The following KCNQ1 variants were observed in gnomAD, a reference collection of about 807,000 sequenced individuals.
KCNQ1 encodes potassium voltage-gated channel subfamily Q member 1.
In KCNQ1, 49 loss-of-function variants were observed where a neutral mutation model predicts 72.4. That is an observed-to-expected ratio of 0.68 (90% CI 0.54 to 0.86). The LOEUF (loss-of-function observed/expected upper bound fraction) is 0.86. Among genes scored for constraint, KCNQ1 ranks in the 40% least tolerant of loss-of-function variants. The pLI, the probability that KCNQ1 is intolerant of heterozygous loss-of-function variation, is 0.00. For synonymous variants in KCNQ1, 450 were observed against 412.6 expected, an observed-to-expected ratio of 1.09 and a Z score of -1.10; for missense variants, 790 against 945.1, an observed-to-expected ratio of 0.84 and a Z score of 2.15.
Position 2,734,332 on chromosome 11 carries a change from G to T in KCNQ1, c.1515-34512G>T, listed in dbSNP as rs999380028. 2.6e-5 allele frequency among the ~76,000 whole-genome samples: 4 copies of T among 152,248 alleles called. No homozygotes were observed. The highest frequency in any genetic ancestry group is 1.3e-4 in the Admixed American group (2 of 15,294). On this transcript the variant is annotated intron_variant, in intron 11 of 15. Coordinates refer to ENST00000155840, the MANE Select transcript of KCNQ1 (RefSeq NM_000218.3). The surrounding 1 kb of genome is among the most constrained non-coding windows in gnomAD (Gnocchi z 7.0). ...TAGAAGGCTGGACTTTCCGTGAGGT[G>T]GCGGGGAGCACCAAGGGTAGAGGCA...
chr11:2,806,689 G>A (rs772766283), intron 15 of KCNQ1, among the ~76,000 whole-genome samples: 6 of 152,170 alleles, frequency 3.9e-5, no homozygotes, highest in Non-Finnish European at 7.4e-5. Context: ...CATTCTCTCC[G>A]TGGGCATCAT....
chr11:2,634,163 T>C, intron 10 of KCNQ1: 1 of 396,962 alleles, frequency 2.5e-6, no homozygotes, highest in Non-Finnish European at 4.4e-6. Flanking sequence ...TTCTCTTTTC[T>C]CTCTCTCTCC....
rs1189311924 is a variant in KCNQ1 at position 2,601,012 on chromosome 11, C to A, written c.1393+12158C>A. On this transcript the variant is annotated intron_variant, in intron 10 of 15. Coordinates refer to ENST00000155840, the MANE Select transcript of KCNQ1 (RefSeq NM_000218.3). This position sits in a 1 kb window ranked among gnomAD's most constrained non-coding sequence, Gnocchi z 5.2. Reference sequence around the variant, plus strand: ...TATCCACTTTTCTACCTTACAGTTACTATATTTTGCCTTGCAACCAATAAA... The same window carrying A: ...TATCCACTTTTCTACCTTACAGTTAATATATTTTGCCTTGCAACCAATAAA... Among the ~76,000 whole-genome samples the A allele has an allele frequency of 6.6e-6, 1 of 151,456 alleles. No homozygotes were observed. Among genetic ancestry groups the A allele is most frequent in the African/African-American group, 2.4e-5 (1 of 41,104 alleles).
chr11:2,730,021 A>G (rs1845826060), intron 11 of KCNQ1, among the ~76,000 whole-genome samples: 1 of 152,188 alleles, frequency 6.6e-6, no homozygotes. Context: ...CAGGACAGCA[A>G]GGAGACCCAT....
At chr11:2,465,692 A>G (rs1005024002) in intron 1 of KCNQ1, among the ~76,000 whole-genome samples, 2 of 152,180 alleles carry the variant, frequency 1.3e-5, no homozygotes, top group Non-Finnish European at 2.9e-5. Context: ...GCCTCCCACC[A>G]GCATGCTTCC....
At position 2,484,472 on chromosome 11, in the gene KCNQ1, T is replaced by G. The variant is rs1846703645; in HGVS notation, c.386+38988T>G. On this transcript the variant is annotated intron_variant, in intron 1 of 15. Coordinates refer to ENST00000155840, the MANE Select transcript of KCNQ1 (RefSeq NM_000218.3). The surrounding 1 kb of genome is among the most constrained non-coding windows in gnomAD (Gnocchi z 5.2). Reference sequence around the variant, plus strand: ...GAGCCACTGCACCCAGCCTCATTATTTATTTTCATTGCTCAAATTGTGCTG... The same window carrying G: ...GAGCCACTGCACCCAGCCTCATTATGTATTTTCATTGCTCAAATTGTGCTG... Among the ~76,000 whole-genome samples the G allele has an allele frequency of 6.6e-6, 1 of 152,204 alleles. No individual in the cohort carries two copies. Among genetic ancestry groups the G allele is most frequent in the Admixed American group, 6.5e-5 (1 of 15,284 alleles).
chr11:2,501,715 C>T (rs1564798873), intron 1 of KCNQ1, among the ~76,000 whole-genome samples: 1 of 15,378 alleles, frequency 6.5e-5, no homozygotes, highest in African/African-American at 1.8e-4. Context: ...GACAAAGATA[C>T]ATCAAAAAAA....
chr11:2,779,192 A>G (rs1165801960), intron 15 of KCNQ1, among the ~76,000 whole-genome samples: 1 of 152,200 alleles, frequency 6.6e-6, no homozygotes, highest in East Asian at 1.9e-4. Flanking sequence ...CCCATCTGGC[A>G]GGACAGGAAG....
intron 15 of KCNQ1, among the ~76,000 whole-genome samples, chr11:2,833,252 C>T (rs1019195828): frequency 2.6e-5 from 4 of 152,160 alleles, no homozygotes; most frequent in African/African-American, 7.2e-5. Flanking sequence ...TTCTTGCTTC[C>T]CTGAGGGACG....
chr11:2,520,033 G>A (rs1239184301), intron 1 of KCNQ1, among the ~76,000 whole-genome samples: 1 of 152,216 alleles, frequency 6.6e-6, no homozygotes, highest in African/African-American at 2.4e-5. Context: ...AGGCTGAAAA[G>A]GGCCCTGTCG....
At chr11:2,739,067 C>G (rs530226539) in intron 11 of KCNQ1, among the ~76,000 whole-genome samples, 24 of 152,216 alleles carry the variant, frequency 1.6e-4, no homozygotes, top group Non-Finnish European at 3.1e-4. Context: ...TCTCTGCTGC[C>G]TCCGCCTCCC....
intron 11 of KCNQ1, chr11:2,694,100 C>T (rs2133895476): frequency 5.0e-6 from 2 of 398,630 alleles, no homozygotes; most frequent in East Asian, 7.1e-5. Flanking sequence ...GGTGGCAGCC[C>T]ATAGGTTGTG....
chr11:2,822,926 T>TA (rs200997512), intron 15 of KCNQ1, among the ~76,000 whole-genome samples: 11,306 of 145,370 alleles, frequency 0.078, 824 homozygotes, highest in African/African-American at 0.19. Context: ...GCTGCTGAAT[T>TA]AAAAAAAAAA....
chr11:2,558,497 G>A lies in KCNQ1; in HGVS notation c.478-12131G>A, dbSNP rs1037949293. ...CCAGTTCGGAGCAGAGACTAGATGG[G>A]CCAGCCTGTGGGCACTCTGCCTAGC... On this transcript the variant is annotated intron_variant, in intron 2 of 15. Coordinates refer to ENST00000155840, the MANE Select transcript of KCNQ1 (RefSeq NM_000218.3). Among the ~76,000 whole-genome samples, 5 of 152,332 alleles carry A rather than the reference G, an allele frequency of 3.3e-5. No individual in the cohort carries two copies. In the East Asian group the frequency reaches 9.6e-4, roughly 29 times the overall value.
At chr11:2,561,814 C>A (rs567661364) in intron 2 of KCNQ1, among the ~76,000 whole-genome samples, 2 of 152,326 alleles carry the variant, frequency 1.3e-5, no homozygotes, top group South Asian at 2.1e-4. Flanking sequence ...GAAGCCCTCC[C>A]CTCCGAGGAG....
In KCNQ1 at chr11:2,564,986, A is replaced by C. The variant is rs1848225450; in HGVS notation, c.478-5642A>C. ...CCACATCTTCCGTCTCCGTCGGTGC[A>C]CTGAGGGACACTGGGCTGGTTCCCC... On this transcript the variant is annotated intron_variant, in intron 2 of 15. Transcript: ENST00000155840. This position sits in a 1 kb window ranked among gnomAD's most constrained non-coding sequence, Gnocchi z 4.5. Among the ~76,000 whole-genome samples, 1 of 152,198 alleles carries C rather than the reference A, an allele frequency of 6.6e-6. No homozygotes were observed. Among genetic ancestry groups the C allele is most frequent in the Non-Finnish European group, 1.5e-5 (1 of 68,032 alleles).
At chr11:2,693,779 G>A in intron 11 of KCNQ1, 1 of 398,804 alleles carries the variant, frequency 2.5e-6, no homozygotes, top group East Asian at 3.6e-5. Flanking sequence ...GCTGGGGCCG[G>A]CCAGTTCAGA....
chr11:2,637,937 T>G (rs2133824880), intron 10 of KCNQ1: 1 of 152,220 alleles, frequency 6.6e-6, no homozygotes. Flanking sequence ...CATTATGTAA[T>G]GACCTTGTCT....
chr11:2,602,886 G>C lies in KCNQ1; in HGVS notation c.1393+14032G>C, dbSNP rs1848827131. 6.6e-6 allele frequency among the ~76,000 whole-genome samples: 1 copy of C among 152,148 alleles called. No homozygotes were observed. The highest frequency in any genetic ancestry group is 6.5e-5 in the Admixed American group (1 of 15,280). On this transcript the variant is annotated intron_variant, in intron 10 of 15. Coordinates refer to ENST00000155840, the MANE Select transcript of KCNQ1 (RefSeq NM_000218.3). This position sits in a 1 kb window ranked among gnomAD's most constrained non-coding sequence, Gnocchi z 4.8. ...AGCTTTCATTGTCATCATCTCAACA[G>C]GGTACTTTACAGAGCAAACATTTTA...
Sources: gnomAD v4.1 joint callset for allele counts (sites outside exome capture counted in the v4.1 genomes callset) on GRCh38, gnomAD v4.1.1 for gene constraint, Gnocchi (gnomAD v3.1) non-coding constraint, MANE v1.5 for transcripts, NCBI Gene and HGNC (gene_info 2026-07-23, HGNC 2026-07-21) for gene names.